RBFOX1: variants seen among roughly 807,000 people sequenced by gnomAD.
RBFOX1 encodes RNA binding protein fox-1 homolog 1.
In RBFOX1, 8 loss-of-function variants were observed where a neutral mutation model predicts 57.7. That is an observed-to-expected ratio of 0.14 (90% CI 0.08 to 0.25). RBFOX1 has a LOEUF of 0.25. RBFOX1 is among the 10% of genes least tolerant of loss of function. RBFOX1 has a pLI of 1.00. For synonymous variants in RBFOX1, 326 were observed against 222.4 expected (o/e 1.47, Z -4.15); for missense variants, 611 against 548.5 (o/e 1.11, Z -1.14).
intron 2 of RBFOX1, among the ~76,000 whole-genome samples, chr16:5,530,005 C>G (rs888721849): frequency 1.3e-5 from 2 of 152,150 alleles, no homozygotes; most frequent in Non-Finnish European, 2.9e-5. Context: ...TTCTTCCTCA[C>G]AGCCCTGAGA....
intron 4 of RBFOX1, among the ~76,000 whole-genome samples, chr16:5,898,735 T>C (rs1016558571): frequency 3.9e-5 from 6 of 152,064 alleles, no homozygotes; most frequent in Admixed American, 1.3e-4. Flanking sequence ...CTCTACTATT[T>C]TGTAGCTTCC....
At chr16:6,948,045 T>G (rs553688123) in intron 3 of RBFOX1, among the ~76,000 whole-genome samples, 7 of 152,270 alleles carry the variant, frequency 4.6e-5, no homozygotes, top group Admixed American at 3.3e-4. Context: ...TCCCAAAATG[T>G]TGGGATTACA....
chr16:7,665,198 G>A (rs912907124), intron 13 of RBFOX1, among the ~76,000 whole-genome samples: 9 of 152,038 alleles, frequency 5.9e-5, no homozygotes, highest in Admixed American at 3.9e-4. Context: ...ACTTCAGAAC[G>A]AATGCAATTC....
chr16:5,492,238 T>A (rs1340030526), intron 2 of RBFOX1, among the ~76,000 whole-genome samples: 1 of 152,212 alleles, frequency 6.6e-6, no homozygotes, highest in African/African-American at 2.4e-5. Context: ...AAGTATTTGC[T>A]GATGAGAGGA....
chr16:7,559,271 T>C (rs2089679945), intron 5 of RBFOX1, among the ~76,000 whole-genome samples: 1 of 152,208 alleles, frequency 6.6e-6, no homozygotes, highest in Admixed American at 6.5e-5. Context: ...GAAATTCTGC[T>C]TTATGATTGT....
At chr16:6,025,657 A>G (rs538810562) in intron 1 of RBFOX1, among the ~76,000 whole-genome samples, 2 of 152,244 alleles carry the variant, frequency 1.3e-5, no homozygotes, top group South Asian at 4.2e-4. Flanking sequence ...GAGTATGGCC[A>G]CAGATTCTCC....
intron 2 of RBFOX1, among the ~76,000 whole-genome samples, chr16:6,639,475 G>C (rs1380129012): frequency 6.6e-6 from 1 of 152,044 alleles, no homozygotes; most frequent in Non-Finnish European, 1.5e-5. Flanking sequence ...GTAATGACCC[G>C]GAGGAATTAA....
intron 4 of RBFOX1, among the ~76,000 whole-genome samples, chr16:7,196,737 T>C (rs1296414284): frequency 6.6e-6 from 1 of 152,154 alleles, no homozygotes; most frequent in Non-Finnish European, 1.5e-5. Context: ...AGTGAGTTTT[T>C]GGAAGGTTTG....
chr16:7,259,177 C>G (rs914321740), intron 4 of RBFOX1, among the ~76,000 whole-genome samples: 1 of 152,182 alleles, frequency 6.6e-6, no homozygotes, highest in African/African-American at 2.4e-5. Flanking sequence ...CTCTCCTCCA[C>G]CATCACGCTA....
chr16:6,795,592 C>T (rs1219363949), intron 3 of RBFOX1, among the ~76,000 whole-genome samples: 4 of 151,816 alleles, frequency 2.6e-5, no homozygotes, highest in Non-Finnish European at 5.9e-5. Context: ...GTGGTGAAAC[C>T]CTGTCTCTAC....
At chr16:6,209,074 G>A (rs1394087260) in intron 1 of RBFOX1, among the ~76,000 whole-genome samples, 1 of 152,138 alleles carries the variant, frequency 6.6e-6, no homozygotes, top group Non-Finnish European at 1.5e-5. Context: ...ACTTTGCACT[G>A]TTTTGAGAAG....
At chr16:6,865,989 C>T (rs945300027) in intron 3 of RBFOX1, among the ~76,000 whole-genome samples, 4 of 151,710 alleles carry the variant, frequency 2.6e-5, no homozygotes, top group African/African-American at 7.3e-5. Flanking sequence ...AAAAAACAAT[C>T]GGGGAAAAAA....
At chr16:6,524,095 T>C (rs1288773713) in intron 2 of RBFOX1, among the ~76,000 whole-genome samples, 2 of 152,174 alleles carry the variant, frequency 1.3e-5, no homozygotes, top group Admixed American at 1.3e-4. Flanking sequence ...CTAGGTCTTA[T>C]TCATTCTATT....
At chr16:7,228,008 G>A (rs904313562) in intron 4 of RBFOX1, among the ~76,000 whole-genome samples, 1 of 152,110 alleles carries the variant, frequency 6.6e-6, no homozygotes, top group Non-Finnish European at 1.5e-5. Context: ...CAATCCACAG[G>A]ATACCAGTAG....
chr16:5,593,702 T>A (rs1012479574), intron 2 of RBFOX1, among the ~76,000 whole-genome samples: 1 of 152,190 alleles, frequency 6.6e-6, no homozygotes, highest in Non-Finnish European at 1.5e-5. Context: ...ATCCCTTGTT[T>A]TGCGTATCAA....
At chr16:7,493,211 C>G (rs370905356) in intron 4 of RBFOX1, among the ~76,000 whole-genome samples, 3 of 152,020 alleles carry the variant, frequency 2.0e-5, no homozygotes, top group Admixed American at 6.5e-5. Context: ...AATACCCATT[C>G]TCAGGGATTT....
chr16:6,378,273 C>T (rs2152909328), intron 2 of RBFOX1, among the ~76,000 whole-genome samples: 1 of 152,330 alleles, frequency 6.6e-6, no homozygotes, highest in Non-Finnish European at 1.5e-5. Context: ...CCCCTCCGTG[C>T]TCACCTTTCA....
At chr16:7,611,358 G>A (rs1257079542) in intron 10 of RBFOX1, among the ~76,000 whole-genome samples, 2 of 151,952 alleles carry the variant, frequency 1.3e-5, no homozygotes, top group African/African-American at 4.8e-5. Flanking sequence ...GGCCGAGGAG[G>A]GTGGTCTCAG....
chr16:5,383,617 C>A (rs1039906684), intron 1 of RBFOX1, among the ~76,000 whole-genome samples: 1 of 152,218 alleles, frequency 6.6e-6, no homozygotes, highest in African/African-American at 2.4e-5. Flanking sequence ...CTAGGATCAA[C>A]TGAGCAGGTG....
Sources: gnomAD v4.1 joint callset for allele counts (sites outside exome capture counted in the v4.1 genomes callset) on GRCh38, gnomAD v4.1.1 for gene constraint, MANE v1.5 for transcripts, NCBI Gene and HGNC (gene_info 2026-07-23, HGNC 2026-07-21) for gene names.